The following CD200R1 variants were observed in gnomAD, a reference collection of about 807,000 sequenced individuals.
The protein encoded by CD200R1 is CD200 receptor 1.
CD200R1 carries 30 observed loss-of-function variants against 38.1 expected under a neutral mutation model. The observed-to-expected ratio is 0.79, with a 90% CI of 0.59 to 1.07. CD200R1 has a LOEUF of 1.07. Among genes scored for constraint, CD200R1 ranks in the 50% least tolerant of loss-of-function variants. The pLI, the probability that CD200R1 is intolerant of heterozygous loss-of-function variation, is 0.00. For synonymous variants in CD200R1, 128 were observed against 152.1 expected, an observed-to-expected ratio of 0.84 and a Z score of 1.16; for missense variants, 372 against 415.4, an observed-to-expected ratio of 0.90 and a Z score of 0.91.
At chr3:112,974,750 C>CCT (rs767187400) in intron 1 of CD200R1, 41 bp downstream of exon 1, 26,714 of 1,283,026 alleles carry the variant, frequency 0.021, 412 homozygotes, top group South Asian at 0.045. Flanking sequence ...AGAGCTGAGA[C>CCT]CAGGTTTCTC....
At chr3:112,970,708 T>C (rs1175155158) in intron 1 of CD200R1, among the ~76,000 whole-genome samples, 1 of 152,202 alleles carries the variant, frequency 6.6e-6, no homozygotes, top group African/African-American at 2.4e-5. Flanking sequence ...ACTGAAATAT[T>C]CATGACCTTA....
At chr3:112,945,593 T>G (rs1940830400) in intron 2 of CD200R1, among the ~76,000 whole-genome samples, 1 of 151,978 alleles carries the variant, frequency 6.6e-6, no homozygotes, top group African/African-American at 2.4e-5. Context: ...AATGCAAAAC[T>G]AAAAACACTC....
chr3:112,924,640 T>C (rs1576123917), intron 6 of CD200R1, 105 bp from the exon 7 acceptor site: 2 of 647,512 alleles, frequency 3.1e-6, no homozygotes, highest in South Asian at 6.0e-5. Flanking sequence ...TTAATTTTGA[T>C]AGAAGCCATA....
At chr3:112,937,160 A>G (rs1559947920) in intron 2 of CD200R1, among the ~76,000 whole-genome samples, 1 of 152,160 alleles carries the variant, frequency 6.6e-6, no homozygotes, top group Admixed American at 6.5e-5. Context: ...CCTTTTTCAC[A>G]TGGCAGCAGC....
chr3:112,959,264 G>T (rs1932955120), intron 1 of CD200R1, among the ~76,000 whole-genome samples: 1 of 152,078 alleles, frequency 6.6e-6, no homozygotes, highest in African/African-American at 2.4e-5. Flanking sequence ...TAAAAAAGAA[G>T]TTCTGCCCTT....
At chr3:112,924,821 AC>A (rs1264277337) in intron 6 of CD200R1, among the ~76,000 whole-genome samples, 3 of 152,110 alleles carry the variant, frequency 2.0e-5, no homozygotes, top group African/African-American at 7.2e-5. Context: ...GTAATTATTT[AC>A]CCAAATGTGA....
At chr3:112,928,463 C>T (rs1940331429) in intron 5 of CD200R1, among the ~76,000 whole-genome samples, 2 of 152,136 alleles carry the variant, frequency 1.3e-5, no homozygotes, top group South Asian at 2.1e-4. Context: ...ATAAAAGCAA[C>T]TTTGAGTAAA....
chr3:112,968,680 C>A (rs934649341), intron 1 of CD200R1, among the ~76,000 whole-genome samples: 1 of 152,166 alleles, frequency 6.6e-6, no homozygotes, highest in African/African-American at 2.4e-5. Flanking sequence ...ACTTTACTCT[C>A]TGAAAAGTGA....
intron 2 of CD200R1, among the ~76,000 whole-genome samples, chr3:112,944,072 G>C (rs994244827): frequency 6.6e-6 from 1 of 151,876 alleles, no homozygotes; most frequent in Admixed American, 6.6e-5. Context: ...ATTTAAGGAA[G>C]AAATCATACC....
intron 2 of CD200R1, among the ~76,000 whole-genome samples, chr3:112,936,230 T>C (rs1940577034): frequency 6.6e-6 from 1 of 152,234 alleles, no homozygotes. Context: ...TGACTTCATG[T>C]CTTTGCTATT....
At chr3:112,930,972 T>C in intron 3 of CD200R1, 134 bp downstream of exon 3, 1 of 627,598 alleles carries the variant, frequency 1.6e-6, no homozygotes, top group Non-Finnish European at 2.9e-6. Context: ...GGATCCCTCA[T>C]ACCACAGTAC....
At chr3:112,951,847 C>T (rs558937651) in intron 1 of CD200R1, among the ~76,000 whole-genome samples, 2 of 149,378 alleles carry the variant, frequency 1.3e-5, no homozygotes, top group South Asian at 4.2e-4. Flanking sequence ...ATACTGAAAA[C>T]TGTAAAATAT....
At chr3:112,956,349 T>TGG (rs1025912924) in intron 1 of CD200R1, among the ~76,000 whole-genome samples, 1 of 152,118 alleles carries the variant, frequency 6.6e-6, no homozygotes, top group African/African-American at 2.4e-5. Flanking sequence ...CTAGGATTTC[T>TGG]GGTTTTTTTT....
At chr3:112,942,745 T>C (rs1028799266) in intron 2 of CD200R1, among the ~76,000 whole-genome samples, 1 of 151,436 alleles carries the variant, frequency 6.6e-6, no homozygotes, top group Admixed American at 6.6e-5. Flanking sequence ...TAAAGAGATA[T>C]ATATATATAT....
intron 5 of CD200R1, among the ~76,000 whole-genome samples, chr3:112,928,057 C>T (rs1482103261): frequency 1.3e-5 from 2 of 152,132 alleles, no homozygotes; most frequent in African/African-American, 4.8e-5. Flanking sequence ...GTGAAATCCT[C>T]ATCTACCATA....
At chr3:112,924,448 A>G (rs771747972) in intron 7 of CD200R1, 42 bp downstream of exon 7, 2 of 1,276,908 alleles carry the variant, frequency 1.6e-6, no homozygotes, top group Non-Finnish European at 2.0e-6. Flanking sequence ...TTTTCAGACT[A>G]TTGGCTTAAG....
Position 112,929,501 on chromosome 3 carries a change from G to A in CD200R1, c.209C>T (p.Thr70Ile), listed in dbSNP as rs1461243921. 1.2e-6 allele frequency: 2 copies of A among 1,606,436 alleles called. No homozygotes were observed. Among genetic ancestry groups the A allele is most frequent in the African/African-American group, 1.3e-5 (1 of 74,480 alleles). The change falls in exon 4 of 8, where the codon ACT becomes ATT. Residue 70 changes from threonine to isoleucine, a missense_variant. Transcript: ENST00000308611. ...TGTAGCCATCTTTACAGGCCATGAA[G>A]TGTTAACTGGACATGAAAAGAGAAT... ...NYSKVLAEVN[T>I]SWPVKMATNA...
intron 1 of CD200R1, among the ~76,000 whole-genome samples, chr3:112,962,282 G>T (rs1490161814): frequency 1.3e-5 from 2 of 152,046 alleles, no homozygotes; most frequent in Non-Finnish European, 2.9e-5. Flanking sequence ...TTGTGTAAAT[G>T]TGTATCACTG....
intron 1 of CD200R1, among the ~76,000 whole-genome samples, chr3:112,970,192 T>C (rs980600771): frequency 1.3e-5 from 2 of 151,890 alleles, no homozygotes; most frequent in African/African-American, 2.4e-5. Flanking sequence ...AAAAAAGAAA[T>C]AGAAAAACTT....
Sources: gnomAD v4.1 joint callset for allele counts (sites outside exome capture counted in the v4.1 genomes callset) on GRCh38, gnomAD v4.1.1 for gene constraint, MANE v1.5 for transcripts, NCBI Gene and HGNC (gene_info 2026-07-23, HGNC 2026-07-21) for gene names.